RUBCN: variants seen among roughly 807,000 people sequenced by gnomAD.
RUBCN encodes rubicon autophagy regulator.
A neutral mutation model predicts 113.2 loss-of-function variants in RUBCN; 74 were observed. The ratio of observed to expected loss-of-function variants is 0.65; its 90% confidence interval spans 0.54 to 0.79. The LOEUF (loss-of-function observed/expected upper bound fraction) is 0.79, where lower values mean the gene tolerates loss of function less well. RUBCN is among the 30% of genes least tolerant of loss of function. The pLI is 0.00. For missense variants in RUBCN, 1,109 were observed against 1,251.7 expected (o/e 0.89, Z 1.72); for synonymous variants, 480 against 490.0 (o/e 0.98, Z 0.27).
chr3:197,749,521 C>G (rs116250860), exon 1 of RUBCN: 17,550 of 1,290,162 alleles, frequency 0.014, 304 homozygotes, highest in Admixed American at 0.057. Flanking sequence ...AGGGGTCTGT[C>G]CTGCCTCCCG....
Position 197,675,265 on chromosome 3 carries a change from C to T in RUBCN, c.2741-69G>A. 6.3e-7 allele frequency: 1 copy of T among 1,587,712 alleles called. No homozygotes were observed. On this transcript the variant is annotated intron_variant, in intron 19 of 19. Transcript: ENST00000296343. The surrounding 1 kb of genome is among the most constrained non-coding windows in gnomAD (Gnocchi z 4.4). ...ATTATCTCCAGCTAGAGGTCAGTTG[C>T]TGCCACAGCCCCTTCTCGCCACCAA...
At position 197,669,958 on chromosome 3, in the gene RUBCN, G is replaced by A. The variant is rs1454043110; in HGVS notation, c.*5060C>T. On this transcript the variant is annotated 3_prime_UTR_variant, in exon 20 of 20. Coordinates refer to ENST00000296343, the MANE Select transcript of RUBCN (RefSeq NM_014687.4). ...GGGTGGAGTGCAGTGGCGTGATCTC[G>A]GCTCACTGCAACCTCCGCCACCCGG... 6.6e-6 allele frequency among the ~76,000 whole-genome samples: 1 copy of A among 152,066 alleles called. No individual in the cohort carries two copies. Among genetic ancestry groups the A allele is most frequent in the African/African-American group, 2.4e-5 (1 of 41,386 alleles).
At chr3:197,730,885 C>CTTTTTTTTTTTTTTTT (rs71166707) in intron 1 of RUBCN, among the ~76,000 whole-genome samples, 3 of 49,996 alleles carry the variant, frequency 6.0e-5, no homozygotes, top group African/African-American at 2.4e-4. Flanking sequence ...TTAAAAGCAT[C>CTTTTTTTTTTTTTTTT]TTTTTTTTTT....
intron 4 of RUBCN, 106 bp downstream of exon 4, chr3:197,704,436 A>T: frequency 8.9e-7 from 1 of 1,124,946 alleles, no homozygotes; most frequent in Admixed American, 1.7e-5. Context: ...GTCCATCTCA[A>T]AGAAAAAAAG....
At chr3:197,702,014 C>T in intron 5 of RUBCN, 150 bp from the exon 6 acceptor site, 1 of 717,384 alleles carries the variant, frequency 1.4e-6, no homozygotes, top group Non-Finnish European at 2.5e-6. Flanking sequence ...AGCAAGGCTA[C>T]CTTCTACTAC....
intron 1 of RUBCN, among the ~76,000 whole-genome samples, chr3:197,729,283 C>T (rs540686773): frequency 5.7e-4 from 86 of 151,988 alleles, no homozygotes; most frequent in African/African-American, 7.2e-5. Flanking sequence ...GACGGAGTCT[C>T]GCTCTGTCGC....
At chr3:197,701,605 C>A in intron 6 of RUBCN, 103 bp downstream of exon 6, 1 of 1,053,410 alleles carries the variant, frequency 9.5e-7, no homozygotes, top group Non-Finnish European at 1.5e-6. Flanking sequence ...AGAAAAACTA[C>A]CAACCCAAGT....
intron 1 of RUBCN, among the ~76,000 whole-genome samples, chr3:197,726,468 G>A (rs1055416093): frequency 7.3e-5 from 11 of 151,102 alleles, no homozygotes; most frequent in South Asian, 2.1e-4. Context: ...GGATGGTCTC[G>A]ATCTCCTGAC....
intron 4 of RUBCN, 92 bp from the exon 5 acceptor site, chr3:197,703,746 TGAG>T (rs761871719): frequency 6.3e-6 from 5 of 789,182 alleles, no homozygotes; most frequent in African/African-American, 5.1e-5. Flanking sequence ...TAAGGATGAA[TGAG>T]GAGGAGGGTG....
In RUBCN at chr3:197,688,280, G is replaced by A. The variant is rs1400396569; in HGVS notation, c.1787-4063C>T. Among the ~76,000 whole-genome samples the A allele has an allele frequency of 3.3e-5, 5 of 152,058 alleles. No individual in the cohort carries two copies. In the East Asian group the frequency reaches 9.6e-4, roughly 29 times the overall value. ...GACCTCAGGTGATCTGCCCGCCTCG[G>A]CCTCCCAAAGTTCTGGGATGACAGG... On this transcript the variant is annotated intron_variant, in intron 11 of 19. Coordinates refer to ENST00000296343, the MANE Select transcript of RUBCN (RefSeq NM_014687.4).
chr3:197,678,149 C>T (rs1305917272), intron 16 of RUBCN, among the ~76,000 whole-genome samples: 13 of 136,076 alleles, frequency 9.6e-5, no homozygotes, highest in Non-Finnish European at 1.8e-4. Context: ...TTCAGACTGT[C>T]CCACACTCTG....
chr3:197,685,315 A>G (rs1721719388), intron 11 of RUBCN, among the ~76,000 whole-genome samples: 1 of 152,198 alleles, frequency 6.6e-6, no homozygotes, highest in African/African-American at 2.4e-5. Flanking sequence ...CTGCCCAGTG[A>G]AAAGACCTTT....
intron 1 of RUBCN, among the ~76,000 whole-genome samples, chr3:197,726,506 A>G (rs1456513234): frequency 3.3e-5 from 5 of 150,532 alleles, no homozygotes; most frequent in Non-Finnish European, 5.9e-5. Flanking sequence ...TCGACCTCCC[A>G]AAGTGCTGGG....
rs769004206 is a variant in RUBCN, at chr3:197,701,719, T to C, written c.716A>G (p.Asn239Ser). ...SFSSLHQSVP[N>S]NGSERRSTSF... ...TCCTGTCCCCATACCTGAGCCATTG[T>C]TGGGCACGGATTGGTGGAGGCTAGA... The change falls in exon 6 of 20, where the codon AAC (asparagine) becomes AGC (serine). Residue 239 changes from asparagine (N) to serine (S), a missense_variant. By Grantham distance (46) the Asn-to-Ser change is conservative. Around this residue, in one of 3 missense-constraint regions of RUBCN, gnomAD observed 736 missense variants for 779.6 expected, o/e 0.94. Coordinates refer to ENST00000296343, the MANE Select transcript of RUBCN (RefSeq NM_014687.4). 1.2e-6 allele frequency: 2 copies of C among 1,614,080 alleles called. No individual in the cohort carries two copies. The highest frequency in any genetic ancestry group is 1.7e-6 in the Non-Finnish European group (2 of 1,179,950).
At chr3:197,714,260 A>C (rs1326168750) in intron 2 of RUBCN, among the ~76,000 whole-genome samples, 1 of 152,048 alleles carries the variant, frequency 6.6e-6, no homozygotes, top group Non-Finnish European at 1.5e-5. Context: ...GTTCTAACTG[A>C]CTCCAAAGAC....
rs566875402 is a variant in RUBCN at position 197,676,565 on chromosome 3, G to A, written c.2646+320C>T. The A allele has an allele frequency of 1.8e-5, 22 of 1,190,066 alleles. No individual in the cohort carries two copies. The South Asian group carries it at 2.1e-4, about 11-fold the overall frequency. The allele number at this position is 1,190,066 out of a possible 1,614,324, so 73.7% of individuals were successfully genotyped here. A position where few individuals can be genotyped will look rare whatever the true frequency, so the allele number is the denominator to read the frequency against. ...TGACCTCAGGTGACCCGCCCACCTC[G>A]GCCTCCCAAATTGCTGGGATGAGAG... On this transcript the variant is annotated intron_variant, in intron 18 of 19. Transcript: ENST00000296343.
intron 2 of RUBCN, among the ~76,000 whole-genome samples, chr3:197,717,607 C>G (rs1725692704): frequency 6.6e-6 from 1 of 152,156 alleles, no homozygotes; most frequent in Non-Finnish European, 1.5e-5. Context: ...TGTGGCCCTG[C>G]AGACACCTTG....
upstream of RUBCN, chr3:197,737,120 G>A (rs370931614): frequency 1.9e-5 from 5 of 261,470 alleles, no homozygotes; most frequent in South Asian, 1.7e-4. Context: ...CGCACCCGGT[G>A]GTTGGCTGGG....
In RUBCN at chr3:197,674,520, C is replaced by T. The variant is rs368825063; in HGVS notation, c.*498G>A. 5.6e-5 allele frequency: 29 copies of T among 514,242 alleles called. No homozygotes were observed. The highest frequency in any genetic ancestry group is 5.0e-4 in the African/African-American group (25 of 50,230). The allele number at this position is 514,242 out of a possible 1,614,324, so 31.9% of individuals were successfully genotyped here. On this transcript the variant is annotated 3_prime_UTR_variant, in exon 20 of 20. Coordinates refer to ENST00000296343, the MANE Select transcript of RUBCN (RefSeq NM_014687.4). ...CATGACGTAGTCCTATTCTCTGCTG[C>T]TTCTCCTCGGGGCACAGTCTGACCC...
Sources: allele counts gnomAD v4.1 joint callset (sites outside exome capture counted in the v4.1 genomes callset), GRCh38; gene constraint gnomAD v4.1.1; regional missense constraint gnomAD v4.1.1; non-coding constraint Gnocchi (gnomAD v3.1); transcripts MANE v1.5; gene names NCBI Gene and HGNC (gene_info 2026-07-23, HGNC 2026-07-21).